CDH23: variants seen among roughly 807,000 people sequenced by gnomAD.
The protein encoded by CDH23 is cadherin related 23, also known as cadherin-23.
CDH23 carries 189 observed loss-of-function variants against 317.1 expected under a neutral mutation model. The ratio of observed to expected loss-of-function variants is 0.60; its 90% CI spans 0.53 to 0.67. The LOEUF (loss-of-function observed/expected upper bound fraction) is 0.67, where lower values mean the gene tolerates loss of function less well. Ranked by LOEUF, CDH23 falls within the 30% of genes least tolerant of loss-of-function variation. The pLI is 0.00. For missense variants in CDH23, 4,401 were observed against 4,592.4 expected (o/e 0.96, Z 1.20); for synonymous variants, 1,839 against 1,876.8 (o/e 0.98, Z 0.52).
intron 11 of CDH23, among the ~76,000 whole-genome samples, chr10:71,622,087 A>T (rs571265839): frequency 6.6e-6 from 1 of 151,890 alleles, no homozygotes; most frequent in African/African-American, 2.4e-5. Context: ...TCTGAGTTTC[A>T]AATTAAAGGT....
At chr10:71,605,085 G>C (rs1054419813) in intron 9 of CDH23, among the ~76,000 whole-genome samples, 2 of 152,162 alleles carry the variant, frequency 1.3e-5, no homozygotes, top group Non-Finnish European at 1.5e-5. Flanking sequence ...CAAACACTGG[G>C]GGGTATTTTG....
intron 3 of CDH23, among the ~76,000 whole-genome samples, chr10:71,493,776 C>T (rs774841971): frequency 3.9e-5 from 6 of 152,188 alleles, no homozygotes; most frequent in East Asian, 1.9e-4. Context: ...ACAGAGCACC[C>T]GTTAGCCTGC....
chr10:71,623,758 A>G (rs781774410), intron 11 of CDH23, among the ~76,000 whole-genome samples: 2 of 152,124 alleles, frequency 1.3e-5, no homozygotes, highest in Non-Finnish European at 2.9e-5. Flanking sequence ...GTCCAATAGA[A>G]ACTGCTCTTA....
intron 6 of CDH23, among the ~76,000 whole-genome samples, chr10:71,533,711 G>A (rs983583846): frequency 1.3e-5 from 2 of 152,088 alleles, no homozygotes; most frequent in Non-Finnish European, 2.9e-5. Flanking sequence ...GGAGAGGTTG[G>A]AGGGCTTTGG....
chr10:71,403,407 CT>C lies in CDH23; in HGVS notation c.-6+6090del, dbSNP rs1346950835. Among the ~76,000 whole-genome samples the C allele has an allele frequency of 9.1e-4, 57 of 62,752 alleles. 1 individual carries two copies. Among genetic ancestry groups the C allele is most frequent in the East Asian group, 5.7e-3 (11 of 1,942 alleles). 41.2% of individuals were successfully genotyped at this position (62,752 alleles called of 152,430 possible). ...TCTTTCTTTCTTTCTTTCTTTCTTTCTCTTCCTTCCTTCCTTCCTTCCTTCC... is the reference window on the plus strand; with the variant it reads ...TCTTTCTTTCTTTCTTTCTTTCTTTCCTTCCTTCCTTCCTTCCTTCCTTCC... On this transcript the variant is annotated intron_variant, in intron 1 of 69. Transcript: ENST00000224721.
At chr10:71,649,464 G>A (rs114930918) in intron 14 of CDH23, among the ~76,000 whole-genome samples, 2,461 of 152,282 alleles carry the variant, frequency 0.016, 56 homozygotes, top group African/African-American at 0.056. Context: ...CTGTCCTGGG[G>A]GAAGGTGGTC....
intron 41 of CDH23, among the ~76,000 whole-genome samples, chr10:71,780,837 G>C (rs1265881325): frequency 6.6e-6 from 1 of 152,184 alleles, no homozygotes; most frequent in Non-Finnish European, 1.5e-5. Context: ...AGGTAGCCGG[G>C]AGAGGGTGGT....
rs1282910143 is a variant in CDH23, at chr10:71,703,671, G to T, written c.2733+977G>T. On this transcript the variant is annotated intron_variant, in intron 24 of 69. Coordinates refer to ENST00000224721, the MANE Select transcript of CDH23 (RefSeq NM_022124.6). ...GATGCCAGAGGGGGTGAGCTTGGTG[G>T]TGCCCCACAGGCCCGCTGTGCCTCA... Among the ~76,000 whole-genome samples the T allele has an allele frequency of 2.0e-5, 3 of 152,206 alleles. No homozygotes were observed. In the East Asian group the frequency reaches 5.8e-4, roughly 29 times the overall value.
intron 11 of CDH23, among the ~76,000 whole-genome samples, chr10:71,638,673 C>T (rs1480042523): frequency 6.6e-6 from 1 of 152,208 alleles, no homozygotes; most frequent in Non-Finnish European, 1.5e-5. Flanking sequence ...ACCCTCCCTC[C>T]CAAGGGAGTA....
intron 19 of CDH23, among the ~76,000 whole-genome samples, chr10:71,688,041 A>G (rs1241431963): frequency 6.6e-6 from 1 of 152,218 alleles, no homozygotes; most frequent in East Asian, 1.9e-4. Flanking sequence ...AGTCTCAAGT[A>G]TACAGAGGGC....
intron 3 of CDH23, among the ~76,000 whole-genome samples, chr10:71,492,023 G>A (rs1050556160): frequency 6.6e-6 from 1 of 152,198 alleles, no homozygotes; most frequent in Admixed American, 6.5e-5. Flanking sequence ...CTGGAGAGAG[G>A]CAGTTTAAGA....
rs1281691424 is a variant in CDH23 at position 71,487,399 on chromosome 10, C to A, written c.146-22683C>A. On this transcript the variant is annotated intron_variant, in intron 3 of 69. Coordinates refer to ENST00000224721, the MANE Select transcript of CDH23 (RefSeq NM_022124.6). ...CCAAGCCGTTCAGACCCGTGTTGTT[C>A]AAGGGTCAGCTGTACATGCACATAC... Among the ~76,000 whole-genome samples, 5 of 152,212 alleles carry A rather than the reference C, an allele frequency of 3.3e-5. No individual in the cohort carries two copies. The East Asian group carries it at 9.6e-4, about 29-fold the overall frequency.
intron 1 of CDH23, among the ~76,000 whole-genome samples, chr10:71,412,766 T>A (rs775900105): frequency 2.0e-5 from 3 of 152,234 alleles, no homozygotes; most frequent in Non-Finnish European, 2.9e-5. Flanking sequence ...GCTAGTGATG[T>A]TGAGCATCTT....
intron 9 of CDH23, among the ~76,000 whole-genome samples, chr10:71,583,491 G>T (rs1460233895): frequency 6.6e-6 from 1 of 152,126 alleles, no homozygotes; most frequent in African/African-American, 2.4e-5. Flanking sequence ...GGGGTGTCCA[G>T]CTGAGAGACA....
chr10:71,618,318 C>A (rs1464175517), intron 11 of CDH23, among the ~76,000 whole-genome samples: 1 of 151,994 alleles, frequency 6.6e-6, no homozygotes, highest in Non-Finnish European at 1.5e-5. Context: ...TGGGGGCAGC[C>A]CCCTGCACTG....
intron 6 of CDH23, among the ~76,000 whole-genome samples, chr10:71,528,912 A>G (rs531246851): frequency 6.4e-4 from 98 of 152,344 alleles, no homozygotes; most frequent in Non-Finnish European, 1.2e-3. Context: ...TAAAACCAGC[A>G]GAACAGGTTG....
intron 38 of CDH23, chr10:71,752,936 C>A (rs762367857): frequency 2.5e-6 from 4 of 1,608,270 alleles, no homozygotes; most frequent in Non-Finnish European, 3.4e-6. Flanking sequence ...GGATAGCCGG[C>A]CCAGGAAGTT....
chr10:71,613,620 T>C (rs549680369), intron 9 of CDH23, among the ~76,000 whole-genome samples: 60 of 152,360 alleles, frequency 3.9e-4, no homozygotes, highest in Non-Finnish European at 6.9e-4. Context: ...ATGGGTTGGC[T>C]GAGAATAGCT....
chr10:71,691,385 A>T (rs1276197167), intron 20 of CDH23, among the ~76,000 whole-genome samples: 2 of 145,590 alleles, frequency 1.4e-5, no homozygotes, highest in African/African-American at 2.6e-5. Context: ...GGGTACAGGA[A>T]GGAATAAGAC....
Sources: gnomAD v4.1 joint callset for allele counts (sites outside exome capture counted in the v4.1 genomes callset) on GRCh38, gnomAD v4.1.1 for gene constraint, MANE v1.5 for transcripts, NCBI Gene and HGNC (gene_info 2026-07-23, HGNC 2026-07-21) for gene names.